The following WDFY4 variants were observed in gnomAD, a reference collection of about 807,000 sequenced individuals.
The protein encoded by WDFY4 is WDFY family member 4.
A neutral mutation model predicts 351.9 loss-of-function variants in WDFY4; 169 were observed. The ratio of observed to expected loss-of-function variants is 0.48; its 90% CI spans 0.42 to 0.55. The LOEUF is 0.55. Among genes scored for constraint, WDFY4 ranks in the 20% least tolerant of loss-of-function variants. The probability of loss-of-function intolerance (pLI) is 0.00; values close to 1 mark genes in which losing one functional copy is unlikely to be tolerated. For missense variants in WDFY4, 3,803 were observed against 3,935.6 expected (o/e 0.97, Z 0.90); for synonymous variants, 1,622 against 1,574.6 (o/e 1.03, Z -0.71).
Position 48,976,791 on chromosome 10 carries a change from G to A in WDFY4, c.9109-6G>A, listed in dbSNP as rs370232716. ...GCTTAGAGTGATGCCAGCTCTCACT[G>A]CACAGGGCACCATTGTCTCCTGTGC... is the stretch of plus-strand genomic sequence containing the variant. On this transcript the variant is annotated splice_polypyrimidine_tract_variant and splice_region_variant and intron_variant, in intron 58 of 61. Coordinates refer to ENST00000325239, the MANE Select transcript of WDFY4 (RefSeq NM_001394531.1). The A allele has an allele frequency of 4.2e-6, 6 of 1,414,300 alleles. No homozygotes were observed. The highest frequency in any genetic ancestry group is 5.6e-6 in the Non-Finnish European group (6 of 1,072,376). 87.6% of individuals were successfully genotyped at this position (1,414,300 alleles called of 1,614,324 possible).
chr10:48,964,511 G>A lies in WDFY4; in HGVS notation c.8436+457G>A, dbSNP rs146453179. 3.1e-3 allele frequency among the ~76,000 whole-genome samples: 468 copies of A among 152,342 alleles called. 3 individuals are homozygous for A. The highest frequency in any genetic ancestry group is 6.8e-3 in the Middle Eastern group (2 of 294). Reference sequence around the variant, plus strand: ...TTATGGACCAGGAAACTGAGGCTCAGAGAGGCTAAATAAATACCTTGCCTA... The same window carrying A: ...TTATGGACCAGGAAACTGAGGCTCAAAGAGGCTAAATAAATACCTTGCCTA... On this transcript the variant is annotated intron_variant, in intron 54 of 61. Transcript: ENST00000325239.
rs756464423 is a variant in WDFY4, at chr10:48,970,267, C to T, written c.8906C>T (p.Pro2969Leu). 1.2e-5 allele frequency: 18 copies of T among 1,551,170 alleles called. No homozygotes were observed. Among genetic ancestry groups the T allele is most frequent in the South Asian group, 3.6e-5 (3 of 84,068 alleles). ...VWELSMTKGRPRGLRLRQALY... is the reference protein window; with the variant it reads ...VWELSMTKGRLRGLRLRQALY... ...GAGCTCAGCATGACCAAAGGCCGCC[C>T]GAGGGGCTTGCGCCTCCGGCAGGTA... Residue 2969 changes from proline to leucine, a missense_variant, in exon 57 of 62, where the codon CCG becomes CTG. Coordinates refer to ENST00000325239, the MANE Select transcript of WDFY4 (RefSeq NM_001394531.1).
chr10:48,778,971 T>C lies in WDFY4; in HGVS notation c.3397+139T>C, dbSNP rs2066128818. 3.4e-5 allele frequency: 32 copies of C among 954,066 alleles called. No homozygotes were observed. In the South Asian group the frequency reaches 5.1e-4, roughly 15 times the overall value. The allele number at this position is 954,066 out of a possible 1,614,324, so 59.1% of individuals were successfully genotyped here. A position where few individuals can be genotyped will look rare whatever the true frequency, so the allele number is the denominator to read the frequency against. On this transcript the variant is annotated intron_variant, in intron 18 of 61. Transcript: ENST00000325239. ...ATCCTTTGAAATTGCTCCCTTGGGTTCCATACCTGGTGAAAGGTCTACAAT... is the reference window on the plus strand; with the variant it reads ...ATCCTTTGAAATTGCTCCCTTGGGTCCCATACCTGGTGAAAGGTCTACAAT...
intron 39 of WDFY4, among the ~76,000 whole-genome samples, chr10:48,864,460 G>A (rs945797467): frequency 6.6e-6 from 1 of 152,166 alleles, no homozygotes; most frequent in Admixed American, 6.5e-5. Context: ...TTATGCCAGT[G>A]CTGCACTGCC....
chr10:48,849,465 C>T (rs1262241396), intron 39 of WDFY4, among the ~76,000 whole-genome samples: 1 of 152,106 alleles, frequency 6.6e-6, no homozygotes, highest in African/African-American at 2.4e-5. Context: ...GACTTACCCC[C>T]AAAATTATTG....
intron 12 of WDFY4, 40 bp downstream of exon 12, chr10:48,743,588 C>T (rs963782996): frequency 2.0e-6 from 3 of 1,503,712 alleles, no homozygotes; most frequent in Non-Finnish European, 1.8e-6. Flanking sequence ...GCATCTCTGT[C>T]TCCCATTCTC....
chr10:48,934,624 T>C (rs767004437), intron 47 of WDFY4, among the ~76,000 whole-genome samples: 7 of 152,226 alleles, frequency 4.6e-5, no homozygotes, highest in African/African-American at 7.2e-5. Flanking sequence ...GGATAACTTG[T>C]AGAAAAAGTT....
intron 23 of WDFY4, among the ~76,000 whole-genome samples, chr10:48,793,133 G>A (rs892196898): frequency 2.0e-5 from 3 of 152,220 alleles, no homozygotes; most frequent in African/African-American, 7.2e-5. Flanking sequence ...TTGATCAAAT[G>A]CTTCCTAAGA....
intron 54 of WDFY4, among the ~76,000 whole-genome samples, chr10:48,965,409 C>G (rs980092374): frequency 6.6e-6 from 1 of 152,204 alleles, no homozygotes; most frequent in Non-Finnish European, 1.5e-5. Flanking sequence ...TCTGCTACTC[C>G]CAGTCACCTT....
In WDFY4 at chr10:48,891,528, G is replaced by C. The variant is rs12773666; in HGVS notation, c.7316+801G>C. On this transcript the variant is annotated intron_variant, in intron 44 of 61. Transcript: ENST00000325239. ...AAGATATTTGGATGAAGAGTTCTTC[G>C]TGCAGAGATAGGCCTTGCCTTTTCC... is the stretch of plus-strand genomic sequence containing the variant. Among the ~76,000 whole-genome samples the C allele has an allele frequency of 6.4e-3, 968 of 152,282 alleles. 5 individuals carry two copies. The highest frequency in any genetic ancestry group is 0.022 in the African/African-American group (909 of 41,546).
rs1001917715 is a variant in WDFY4 at position 48,868,479 on chromosome 10, G to T, written c.6741+1137G>T. ...TGGGCATCTACCCCACTCCAACATTGCTGACTGTGCTGCACAGCTGGGTAG... is the reference window on the plus strand; with the variant it reads ...TGGGCATCTACCCCACTCCAACATTTCTGACTGTGCTGCACAGCTGGGTAG... On this transcript the variant is annotated intron_variant, in intron 40 of 61. Coordinates refer to ENST00000325239, the MANE Select transcript of WDFY4 (RefSeq NM_001394531.1). Among the ~76,000 whole-genome samples the T allele has an allele frequency of 2.0e-5, 3 of 152,318 alleles. No homozygotes were observed. In the South Asian group the frequency reaches 6.2e-4, roughly 32 times the overall value.
chr10:48,826,593 T>A (rs771685867), intron 35 of WDFY4, 78 bp from the exon 36 acceptor site: 53 of 1,116,690 alleles, frequency 4.7e-5, no homozygotes, highest in Non-Finnish European at 6.6e-5. Context: ...ATACTATTTT[T>A]GTGGTAAACT....
rs1199637747 is a variant in WDFY4, at chr10:48,790,740, C to T, written c.4080C>T (p.Phe1360=). 7.7e-6 allele frequency: 12 copies of T among 1,551,570 alleles called. No homozygotes were observed. Among genetic ancestry groups the T allele is most frequent in the Admixed American group, 2.0e-5 (1 of 50,980 alleles). ...TATGCCACACAGGGGTGAGGGTATT[C>T]CACTCCAGCCCTGCTGCCAGCAGCC... ...VAVGQLGVRV[F]HSSPAASSLD... Residue 1360 remains phenylalanine (F), a synonymous_variant, in exon 23 of 62, where the codon TTC becomes TTT. Coordinates refer to ENST00000325239, the MANE Select transcript of WDFY4 (RefSeq NM_001394531.1).
At chr10:48,942,137 G>A (rs1338294166) in intron 48 of WDFY4, among the ~76,000 whole-genome samples, 1 of 152,040 alleles carries the variant, frequency 6.6e-6, no homozygotes, top group Non-Finnish European at 1.5e-5. Context: ...GCGAATTTTT[G>A]TATTTTTAGT....
intron 40 of WDFY4, among the ~76,000 whole-genome samples, chr10:48,871,090 C>A (rs774967912): frequency 6.6e-6 from 1 of 152,080 alleles, no homozygotes; most frequent in African/African-American, 2.4e-5. Context: ...CCTGCCACCA[C>A]GCCTAGCTAA....
chr10:48,727,383 G>A, intron 6 of WDFY4, 87 bp from the exon 7 acceptor site: 2 of 1,318,722 alleles, frequency 1.5e-6, no homozygotes, highest in South Asian at 2.8e-5. Flanking sequence ...TTGACATGTT[G>A]TTTGGAGTAG....
intron 11 of WDFY4, among the ~76,000 whole-genome samples, chr10:48,738,600 GC>G (rs1254559817): frequency 4.6e-5 from 7 of 152,136 alleles, no homozygotes; most frequent in Non-Finnish European, 1.0e-4. Flanking sequence ...TTCCAGACTC[GC>G]CCACCACTGA....
intron 1 of WDFY4, among the ~76,000 whole-genome samples, chr10:48,706,732 T>C (rs1179121754): frequency 6.6e-6 from 1 of 152,212 alleles, no homozygotes; most frequent in Non-Finnish European, 1.5e-5. Context: ...AATTCAGGAA[T>C]GGATTAGGAT....
At chr10:48,861,018 C>T (rs1399863447) in intron 39 of WDFY4, among the ~76,000 whole-genome samples, 3 of 151,956 alleles carry the variant, frequency 2.0e-5, no homozygotes, top group Admixed American at 6.6e-5. Context: ...ATGTGGGTTA[C>T]TTGAACATTT....
Sources: allele counts gnomAD v4.1 joint callset (sites outside exome capture counted in the v4.1 genomes callset), GRCh38; gene constraint gnomAD v4.1.1; transcripts MANE v1.5; gene names NCBI Gene and HGNC (gene_info 2026-07-23, HGNC 2026-07-21).